Variants in PLXNA1 observed in about 807,000 individuals in gnomAD.
PLXNA1 encodes the protein plexin A1.
PLXNA1 carries 77 observed loss-of-function variants against 191.7 expected under a neutral mutation model. The observed-to-expected ratio is 0.40, with a 90% confidence interval of 0.33 to 0.49. PLXNA1 has a LOEUF of 0.49. Ranked by LOEUF, PLXNA1 falls within the 20% of genes least tolerant of loss-of-function variation. The probability of loss-of-function intolerance (pLI) is 0.63; values close to 1 mark genes in which losing one functional copy is unlikely to be tolerated. For missense variants in PLXNA1, 2,110 were observed against 2,660.2 expected (o/e 0.79, Z 4.55); for synonymous variants, 1,137 against 1,156.4 (o/e 0.98, Z 0.34).
In PLXNA1 at chr3:127,015,302, G is replaced by A. The variant is rs1219729233; in HGVS notation, c.2996G>A (p.Arg999Gln). 1.1e-5 allele frequency: 18 copies of A among 1,607,972 alleles called. No homozygotes were observed. The highest frequency in any genetic ancestry group is 4.4e-5 in the South Asian group (4 of 90,886). The change falls in exon 15 of 32, where the codon CGG (arginine) becomes CAG (glutamine). Residue 999 changes from arginine to glutamine, a missense_variant. Physicochemically the swap from Arg to Gln is conservative, Grantham distance 43. Coordinates refer to ENST00000393409, the MANE Select transcript of PLXNA1 (RefSeq NM_032242.4). ...GATGTGGCTGTGTCGGTCGGTGGCC[G>A]GCCCTGCTCCTTCTCCTGGTACGGG... ...GSDVAVSVGG[R>Q]PCSFSWRNSR... is the part of the protein sequence containing the mutation.
chr3:126,985,639 G>A (rs1201907058), intron 1 of PLXNA1, among the ~76,000 whole-genome samples: 3 of 152,160 alleles, frequency 2.0e-5, no homozygotes, highest in Non-Finnish European at 2.9e-5. Flanking sequence ...TCCTAGCCCC[G>A]GCATGGGCCC....
At chr3:127,028,922 A>C (rs1576691511) in intron 25 of PLXNA1, 71 bp from the exon 26 acceptor site, 2 of 1,221,378 alleles carry the variant, frequency 1.6e-6, no homozygotes, top group African/African-American at 1.5e-5. Flanking sequence ...GCCCCGTCCC[A>C]CTACACTGCT....
chr3:127,003,405 C>T lies in PLXNA1; in HGVS notation c.1453C>T (p.Pro485Ser). Residue 485 changes from proline to serine, a missense_variant, in exon 4 of 32, where the codon CCC becomes TCC. Physicochemically the swap from Pro to Ser is moderately conservative, Grantham distance 74. Transcript: ENST00000393409. ...GAGCGTCGTGGCCCAGGAGGGCAGCCCCATCCTGCGAGACCTCGTCCTCAG... is the reference window on the plus strand; with the variant it reads ...GAGCGTCGTGGCCCAGGAGGGCAGCTCCATCCTGCGAGACCTCGTCCTCAG... The part of the protein sequence containing the change: ...YESVVAQEGS[P>S]ILRDLVLSPN... 2 of 1,611,788 alleles carry T rather than the reference C, an allele frequency of 1.2e-6. No homozygotes were observed. The highest frequency in any genetic ancestry group is 1.7e-6 in the Non-Finnish European group (2 of 1,179,400).
At chr3:127,013,645 A>G (rs1442457275) in intron 10 of PLXNA1, among the ~76,000 whole-genome samples, 3 of 152,232 alleles carry the variant, frequency 2.0e-5, no homozygotes, top group Non-Finnish European at 4.4e-5. Flanking sequence ...CATTCAGCAA[A>G]GATGCTGAGG....
chr3:126,989,114 T>G lies in PLXNA1; in HGVS notation c.521T>G (p.Ile174Ser). Residue 174 changes from isoleucine (I) to serine (S), a missense_variant, in exon 2 of 32, where the codon ATT becomes AGT. Ile to Ser is a moderately radical substitution (Grantham distance 142). Transcript: ENST00000393409. ...GCAGGCAGCATGGCGGGCGTGCTCATTGCCGGGCCACCGGGCCAGGGCCAG... is the reference window on the plus strand; with the variant it reads ...GCAGGCAGCATGGCGGGCGTGCTCAGTGCCGGGCCACCGGGCCAGGGCCAG... ...QEAGSMAGVL[I>S]AGPPGQGQAK... 6.2e-7 allele frequency: 1 copy of G among 1,613,098 alleles called. No homozygotes were observed. The highest frequency in any genetic ancestry group is 8.5e-7 in the Non-Finnish European group (1 of 1,179,992).
In PLXNA1 at chr3:127,014,037, C is replaced by T. The variant is rs769684578; in HGVS notation, c.2331C>T (p.Asn777=). The T allele has an allele frequency of 1.4e-5, 22 of 1,613,688 alleles. No homozygotes were observed. Among genetic ancestry groups the T allele is most frequent in the African/African-American group, 5.3e-5 (4 of 74,926 alleles). The change falls in exon 11 of 32, where the codon AAC becomes AAT. Residue 777 remains asparagine (N), a synonymous_variant. Transcript: ENST00000393409. ...CCTAACAGTACTCCTACGAGGGGAA[C>T]GATGTCAGCGACCTGCCAGTGAACC... ...CQNSSYSYEG[N]DVSDLPVNLS...
chr3:127,003,425 C>G lies in PLXNA1; in HGVS notation c.1473C>G (p.Val491=), dbSNP rs536415458. The G allele has an allele frequency of 3.1e-6, 5 of 1,611,974 alleles. No homozygotes were observed. In the East Asian group the frequency reaches 1.1e-4, roughly 36 times the overall value. ...QEGSPILRDL[V]LSPNHQYLYA... is the part of the protein sequence containing the mutation. ...GCAGCCCCATCCTGCGAGACCTCGT[C>G]CTCAGCCCCAACCACCAGTACCTCT... Residue 491 remains valine, a synonymous_variant, in exon 4 of 32, where the codon GTC becomes GTG. Transcript: ENST00000393409.
intron 3 of PLXNA1, among the ~76,000 whole-genome samples, chr3:126,996,002 C>G (rs1327325552): frequency 2.6e-5 from 4 of 152,248 alleles, no homozygotes; most frequent in African/African-American, 9.6e-5. Flanking sequence ...GCCCCTGTCC[C>G]TGTGCTCATG....
intron 26 of PLXNA1, 69 bp from the exon 27 acceptor site, chr3:127,029,371 G>A (rs555605468): frequency 8.9e-6 from 13 of 1,466,586 alleles, no homozygotes; most frequent in Admixed American, 1.7e-5. Context: ...GTCCCCAGCC[G>A]GGGAGTGGGA....
rs749976520 is a variant in PLXNA1, at chr3:127,016,596, C to T, written c.3094C>T (p.Arg1032Cys). The change falls in exon 16 of 32, where the codon CGC (arginine) becomes TGC (cysteine). Residue 1032 changes from arginine to cysteine, a missense_variant. Arg to Cys is a radical substitution (Grantham distance 180). This residue lies in a region of PLXNA1 where 644 missense variants were observed against 714.3 expected (regional missense o/e 0.90). Coordinates refer to ENST00000393409, the MANE Select transcript of PLXNA1 (RefSeq NM_032242.4). Reference sequence around the variant, plus strand: ...CGCTCCCATCATCATCAACATCAACCGCGCCCAGCTCACCAACCCTGAGGT... The same window carrying T: ...CGCTCCCATCATCATCAACATCAACTGCGCCCAGCTCACCAACCCTGAGGT... Reference protein sequence around the residue: ...GSAPIIININRAQLTNPEVKY... With the variant: ...GSAPIIININCAQLTNPEVKY... 6.2e-6 allele frequency: 10 copies of T among 1,613,902 alleles called. No homozygotes were observed. Among genetic ancestry groups the T allele is most frequent in the Middle Eastern group, 1.6e-4 (1 of 6,082 alleles).
intron 27 of PLXNA1, 44 bp from the exon 28 acceptor site, chr3:127,029,830 G>A: frequency 6.6e-7 from 1 of 1,525,296 alleles, no homozygotes; most frequent in Non-Finnish European, 8.8e-7. Context: ...GGCGGGGGGT[G>A]CGGGGTGCCA....
intron 3 of PLXNA1, among the ~76,000 whole-genome samples, chr3:126,995,192 T>C (rs2079009473): frequency 1.3e-5 from 2 of 152,180 alleles, no homozygotes; most frequent in Non-Finnish European, 2.9e-5. Context: ...GGGGTGCCCC[T>C]GTCCCCCCTC....
chr3:127,033,821 G>A lies in PLXNA1; in HGVS notation c.5596-101G>A. On this transcript the variant is annotated intron_variant, in intron 31 of 31. Transcript: ENST00000393409. ...AGGTCCTTTGGCCAGGGGTAGATGG[G>A]GTTGAACCTCTGGCACCTACTCTGG... 3 of 989,246 alleles carry A rather than the reference G, an allele frequency of 3.0e-6. No individual in the cohort carries two copies. In the Admixed American group the frequency reaches 7.0e-5, roughly 23 times the overall value. The allele number at this position is 989,246 out of a possible 1,614,324, so 61.3% of individuals were successfully genotyped here.
chr3:127,003,026 G>A (rs3937548), intron 3 of PLXNA1, among the ~76,000 whole-genome samples: 2 of 152,212 alleles, frequency 1.3e-5, no homozygotes, highest in Admixed American at 6.5e-5. Context: ...ATGCTGCTCC[G>A]TGGTGGGTGC....
Position 127,028,985 on chromosome 3 carries a change from T to TC in PLXNA1, c.4670-3dup, listed in dbSNP as rs1300208592. The TC allele has an allele frequency of 6.2e-7, 1 of 1,609,558 alleles. No homozygotes were observed. On this transcript the variant is annotated splice_polypyrimidine_tract_variant and splice_region_variant and intron_variant, in intron 25 of 31. Coordinates refer to ENST00000393409, the MANE Select transcript of PLXNA1 (RefSeq NM_032242.4). ...GCGGCCCCACCCTCCAGCTCCCTCC[T>TC]CCCCCAGAGTGGCGCCAGGGCCGCA...
At chr3:127,016,839 G>A (rs2079126207) in intron 16 of PLXNA1, 105 bp from the exon 17 acceptor site, 23 of 1,390,956 alleles carry the variant, frequency 1.7e-5, no homozygotes, top group Non-Finnish European at 2.2e-5. Flanking sequence ...CCTGTTTCCT[G>A]TCTTTGGGGA....
At chr3:127,028,885 T>C in intron 25 of PLXNA1, 108 bp from the exon 26 acceptor site, 1 of 762,596 alleles carries the variant, frequency 1.3e-6, no homozygotes, top group South Asian at 1.6e-5. Flanking sequence ...GTCCCTGCCC[T>C]GTGCTGGTGC....
In PLXNA1 at chr3:127,029,960, C is replaced by G. The variant is rs747547965; in HGVS notation, c.4957C>G (p.Leu1653Val). The G allele has an allele frequency of 6.2e-7, 1 of 1,613,724 alleles. No homozygotes were observed. The highest frequency in any genetic ancestry group is 2.2e-5 in the East Asian group (1 of 44,872). The stretch of plus-strand genomic sequence containing the variant: ...GCCCGACCTGGAGAGCGGCACCAAG[C>G]TGTGGCACCTGGTGAAGAACCACGA... ...ITPDLESGTKLWHLVKNHDHL... is the reference protein window; with the variant it reads ...ITPDLESGTKVWHLVKNHDHL... Residue 1653 changes from leucine (L) to valine (V), a missense_variant, in exon 28 of 32, where the codon CTG (leucine) becomes GTG (valine). This residue lies in a region of PLXNA1 where 559 missense variants were observed against 911.5 expected (regional missense o/e 0.61). Coordinates refer to ENST00000393409, the MANE Select transcript of PLXNA1 (RefSeq NM_032242.4).
chr3:127,017,598 C>G lies in PLXNA1; in HGVS notation c.3450C>G (p.Pro1150=), dbSNP rs540555960. The G allele has an allele frequency of 5.2e-5, 84 of 1,613,720 alleles. No homozygotes were observed. In the South Asian group the frequency reaches 8.8e-4, roughly 17 times the overall value. The change falls in exon 18 of 32, where the codon CCC becomes CCG. Residue 1150 remains proline (P), a synonymous_variant. Coordinates refer to ENST00000393409, the MANE Select transcript of PLXNA1 (RefSeq NM_032242.4). ...NSTSFLYYPD[P]VLEPLSPTGL... ...CCTCCTTCCTCTACTACCCTGACCC[C>G]GTACTGGAGCCACTCAGCCCCACTG... is the stretch of plus-strand genomic sequence containing the variant.
Sources: gnomAD v4.1 joint callset for allele counts (sites outside exome capture counted in the v4.1 genomes callset) on GRCh38, gnomAD v4.1.1 for gene constraint, gnomAD v4.1.1 regional missense constraint, MANE v1.5 for transcripts, NCBI Gene and HGNC (gene_info 2026-07-23, HGNC 2026-07-21) for gene names.